The following AVL9 variants were observed in gnomAD, a reference collection of about 807,000 sequenced individuals.
The protein encoded by AVL9 is AVL9 cell migration associated.
In AVL9, 49 loss-of-function variants were observed where a neutral mutation model predicts 79.2. That is an observed-to-expected ratio of 0.62 (90% CI 0.49 to 0.79). The LOEUF (loss-of-function observed/expected upper bound fraction) is 0.79. Among genes scored for constraint, AVL9 ranks in the 30% least tolerant of loss-of-function variants. The probability of loss-of-function intolerance (pLI) is 0.00; values close to 1 mark genes in which losing one functional copy is unlikely to be tolerated. For synonymous variants in AVL9, 299 were observed against 280.6 expected, an observed-to-expected ratio of 1.07 and a Z score of -0.65; for missense variants, 682 against 776.8, an observed-to-expected ratio of 0.88 and a Z score of 1.45.
intron 1 of AVL9, 63 bp downstream of exon 1, chr7:32,495,865 T>A (rs975098109): frequency 9.2e-6 from 10 of 1,084,798 alleles, no homozygotes; most frequent in Middle Eastern, 2.6e-4. Flanking sequence ...GGGGCCCCCC[T>A]GCCCTGCTTC....
intron 1 of AVL9, among the ~76,000 whole-genome samples, chr7:32,540,117 A>C (rs556855425): frequency 1.5e-4 from 23 of 152,346 alleles, no homozygotes; most frequent in African/African-American, 5.5e-4. Context: ...TTGCTTTATC[A>C]GTATATATGA....
At chr7:32,505,586 T>G (rs1007329723) in intron 1 of AVL9, among the ~76,000 whole-genome samples, 2 of 152,174 alleles carry the variant, frequency 1.3e-5, no homozygotes, top group African/African-American at 4.8e-5. Flanking sequence ...CCCTACATTC[T>G]TTAGTACTTT....
intron 1 of AVL9, among the ~76,000 whole-genome samples, chr7:32,504,924 A>G (rs561501891): frequency 1.0e-3 from 154 of 152,094 alleles, no homozygotes; most frequent in African/African-American, 3.5e-3. Flanking sequence ...CCCAGGCTGG[A>G]GTGCGGTGGC....
At chr7:32,571,312 G>A (rs1184285185) in intron 11 of AVL9, among the ~76,000 whole-genome samples, 4 of 149,526 alleles carry the variant, frequency 2.7e-5, no homozygotes, top group Admixed American at 6.6e-5. Context: ...GGTGGATCAT[G>A]AGGTCAGGAG....
At position 32,580,272 on chromosome 7, in the gene AVL9, A is replaced by G; in HGVS notation, c.1742A>G (p.His581Arg). The change falls in exon 14 of 16, where the codon CAT (histidine) becomes CGT (arginine). Residue 581 changes from histidine (H) to arginine (R), a missense_variant and splice_region_variant. Physicochemically the swap from His to Arg is conservative, Grantham distance 29 (BLOSUM62 0). Coordinates refer to ENST00000318709, the MANE Select transcript of AVL9 (RefSeq NM_015060.3). ...TCAGACATGAAGTTAAGGTTCTCAC[A>G]GTAAGTACTTAGAGAAAATACTGGG... ...SVSDMKLRFS[H>R]SVQNSERGKK... is the part of the protein sequence containing the mutation. 1 of 1,609,032 alleles carries G rather than the reference A, an allele frequency of 6.2e-7. No homozygotes were observed. The highest frequency in any genetic ancestry group is 8.5e-7 in the Non-Finnish European group (1 of 1,177,092).
Position 32,569,308 on chromosome 7 carries a change from A to G in AVL9, c.1216-712A>G, listed in dbSNP as rs538638665. 1.8e-4 allele frequency among the ~76,000 whole-genome samples: 27 copies of G among 152,362 alleles called. No homozygotes were observed. The South Asian group carries it at 4.8e-3, about 27-fold the overall frequency. On this transcript the variant is annotated intron_variant, in intron 10 of 15. Coordinates refer to ENST00000318709, the MANE Select transcript of AVL9 (RefSeq NM_015060.3). ...TTTAGAATCTTTCAGCAGAAATTGC[A>G]TATCTTCCTTCAGTCAATCATTCCA...
intron 1 of AVL9, among the ~76,000 whole-genome samples, chr7:32,527,455 C>T (rs1010631937): frequency 2.0e-5 from 3 of 152,074 alleles, no homozygotes; most frequent in South Asian, 2.1e-4. Flanking sequence ...TCTATACAAC[C>T]GAGACTACAG....
intron 1 of AVL9, among the ~76,000 whole-genome samples, chr7:32,517,073 T>G (rs1018512099): frequency 1.3e-5 from 2 of 152,200 alleles, no homozygotes; most frequent in Non-Finnish European, 2.9e-5. Flanking sequence ...TTATTGTTAA[T>G]TGTTTTTGCA....
At chr7:32,580,975 T>A (rs555797811) in intron 15 of AVL9, 85 bp downstream of exon 15, 21 of 1,030,998 alleles carry the variant, frequency 2.0e-5, no homozygotes, top group African/African-American at 3.3e-5. Context: ...AAAACAAACA[T>A]AAAGTTGTAA....
At chr7:32,578,285 CA>C (rs1791188759) in intron 13 of AVL9, among the ~76,000 whole-genome samples, 1 of 152,098 alleles carries the variant, frequency 6.6e-6, no homozygotes, top group African/African-American at 2.4e-5. Flanking sequence ...ACACTCGGTT[CA>C]TCTTTCCTAT....
At chr7:32,544,662 T>A in intron 2 of AVL9, 32 bp from the exon 3 acceptor site, 2 of 1,475,866 alleles carry the variant, frequency 1.4e-6, no homozygotes, top group Non-Finnish European at 1.9e-6. Context: ...GTAATTCACC[T>A]CACTATTTAC....
chr7:32,512,514 A>G (rs963881754), intron 1 of AVL9, among the ~76,000 whole-genome samples: 26 of 152,218 alleles, frequency 1.7e-4, no homozygotes, highest in African/African-American at 5.8e-4. Context: ...ACAGAATGGC[A>G]CAAAGTGCTT....
At chr7:32,524,140 C>T (rs1788298735) in intron 1 of AVL9, among the ~76,000 whole-genome samples, 2 of 152,078 alleles carry the variant, frequency 1.3e-5, no homozygotes, top group African/African-American at 4.8e-5. Context: ...TGAGCCACCA[C>T]ACCTGTCAAA....
In AVL9 at chr7:32,587,000, G is replaced by C. The variant is rs1287634750; in HGVS notation, c.*3093G>C. On this transcript the variant is annotated 3_prime_UTR_variant, in exon 16 of 16. Coordinates refer to ENST00000318709, the MANE Select transcript of AVL9 (RefSeq NM_015060.3). ...TTAGTGATTCACTACCCCCCGCCAA[G>C]CACAGCCCTAAAACAATTCTCGTCC... 6.6e-6 allele frequency: 1 copy of C among 152,324 alleles called. No individual in the cohort carries two copies. The highest frequency in any genetic ancestry group is 1.9e-4 in the East Asian group (1 of 5,204). 9.4% of individuals were successfully genotyped at this position (152,324 alleles called of 1,614,324 possible). A position where few individuals can be genotyped will look rare whatever the true frequency, so the allele number is the denominator to read the frequency against.
Position 32,495,657 on chromosome 7 carries a change from G to A in AVL9, c.-53G>A, listed in dbSNP as rs1380615058. 5.0e-6 allele frequency: 6 copies of A among 1,205,788 alleles called. No homozygotes were observed. Among genetic ancestry groups the A allele is most frequent in the African/African-American group, 1.6e-5 (1 of 63,502 alleles). 74.7% of individuals were successfully genotyped at this position (1,205,788 alleles called of 1,614,324 possible). ...CTTTCCGCACACGGTGGGGTCGTCAGACCCGCTGCCCTTGGCGGTCGAAGT... is the reference window on the plus strand; with the variant it reads ...CTTTCCGCACACGGTGGGGTCGTCAAACCCGCTGCCCTTGGCGGTCGAAGT... On this transcript the variant is annotated 5_prime_UTR_variant, in exon 1 of 16. Coordinates refer to ENST00000318709, the MANE Select transcript of AVL9 (RefSeq NM_015060.3).
At chr7:32,578,470 A>C (rs1490825325) in intron 13 of AVL9, among the ~76,000 whole-genome samples, 4 of 152,222 alleles carry the variant, frequency 2.6e-5, no homozygotes, top group African/African-American at 4.8e-5. Context: ...GAAATAGTTT[A>C]GTTTTCTTCA....
At chr7:32,566,564 TA>T (rs371101269) in intron 10 of AVL9, among the ~76,000 whole-genome samples, 151,937 of 151,938 alleles carry the variant, frequency 1, 75,968 homozygotes, top group Middle Eastern at 1. Context: ...AAAAGTTACC[TA>T]CAATCTAGTA....
intron 9 of AVL9, 24 bp downstream of exon 9, chr7:32,558,652 C>G (rs780954194): frequency 1.9e-6 from 3 of 1,565,140 alleles, no homozygotes. Context: ...AGTATCTACT[C>G]TTTCTTTTGT....
At chr7:32,579,311 TTA>T (rs1366570313) in intron 13 of AVL9, among the ~76,000 whole-genome samples, 1 of 79,114 alleles carries the variant, frequency 1.3e-5, no homozygotes, top group Non-Finnish European at 2.4e-5. Flanking sequence ...ATATTATATA[TTA>T]TATATATTTT....
Sources: gnomAD v4.1 joint callset for allele counts (sites outside exome capture counted in the v4.1 genomes callset) on GRCh38, gnomAD v4.1.1 for gene constraint, MANE v1.5 for transcripts, NCBI Gene and HGNC (gene_info 2026-07-23, HGNC 2026-07-21) for gene names.